Variants in KLHDC4 observed in about 807,000 individuals in gnomAD.
KLHDC4 encodes kelch domain-containing protein 4.
KLHDC4 carries 90 observed loss-of-function variants against 62.4 expected under a neutral mutation model. That is an observed-to-expected ratio of 1.44 (90% CI 1.22 to 1.72). KLHDC4 has a LOEUF of 1.72. Ranked by LOEUF, KLHDC4 falls within the 40% of genes most tolerant of loss-of-function variation. KLHDC4 has a pLI of 0.00. For missense variants in KLHDC4, 1,025 were observed against 699.7 expected (o/e 1.47, Z -5.25); for synonymous variants, 386 against 284.4 (o/e 1.36, Z -3.59).
At chr16:87,726,986 A>T in intron 6 of KLHDC4, 62 bp from the exon 7 acceptor site, 1 of 1,548,706 alleles carries the variant, frequency 6.5e-7, no homozygotes, top group East Asian at 2.3e-5. Flanking sequence ...GACATTAAAA[A>T]CTGAACTGAT....
chr16:87,744,959 G>A (rs952217687), intron 5 of KLHDC4, among the ~76,000 whole-genome samples: 16 of 144,634 alleles, frequency 1.1e-4, no homozygotes, highest in Non-Finnish European at 1.8e-4. Context: ...ATGCTCACAC[G>A]TGCACACATG....
chr16:87,723,475 G>A (rs552603253), intron 7 of KLHDC4, among the ~76,000 whole-genome samples: 9 of 152,368 alleles, frequency 5.9e-5, no homozygotes, highest in East Asian at 1.9e-4. Flanking sequence ...TGCACTCTAC[G>A]ACACATCTGC....
At chr16:87,749,013 G>C (rs1278134257) in intron 4 of KLHDC4, among the ~76,000 whole-genome samples, 2 of 150,110 alleles carry the variant, frequency 1.3e-5, no homozygotes, top group Non-Finnish European at 1.5e-5. Flanking sequence ...CCTCAGTCAA[G>C]GGTCTAATAA....
At chr16:87,714,353 C>CCCCCG in intron 8 of KLHDC4, 145 bp downstream of exon 8, 1 of 990,178 alleles carries the variant, frequency 1.0e-6, no homozygotes, top group South Asian at 2.1e-5. Context: ...CGGCCCACCC[C>CCCCCG]GAAATGAGCC....
At chr16:87,731,461 G>A (rs2040356523) in intron 5 of KLHDC4, among the ~76,000 whole-genome samples, 1 of 151,776 alleles carries the variant, frequency 6.6e-6, no homozygotes, top group Non-Finnish European at 1.5e-5. Flanking sequence ...GAAAAATGGG[G>A]GGAAAAAAGA....
intron 7 of KLHDC4, among the ~76,000 whole-genome samples, chr16:87,716,063 C>G (rs926778511): frequency 6.6e-6 from 1 of 152,200 alleles, no homozygotes; most frequent in African/African-American, 2.4e-5. Context: ...GATATTGACA[C>G]AGACTTCAGG....
chr16:87,714,438 C>A, intron 8 of KLHDC4, 60 bp downstream of exon 8: 2 of 1,383,062 alleles, frequency 1.4e-6, no homozygotes, highest in Non-Finnish European at 1.9e-6. Flanking sequence ...AGGGTGTGGG[C>A]TCTGCCTCCC....
intron 4 of KLHDC4, 48 bp downstream of exon 4, chr16:87,755,146 T>A (rs1226558313): frequency 1.5e-6 from 2 of 1,293,370 alleles, no homozygotes; most frequent in Non-Finnish European, 2.2e-6. Context: ...TCTACCAGAC[T>A]CCCACGTGGG....
At chr16:87,759,393 G>C (rs2045519190) in intron 2 of KLHDC4, among the ~76,000 whole-genome samples, 2 of 151,444 alleles carry the variant, frequency 1.3e-5, no homozygotes, top group South Asian at 2.1e-4. Context: ...ACTCCAGCCT[G>C]GGCAACAAAA....
Position 87,707,838 on chromosome 16 carries a change from C to T in KLHDC4, c.*239G>A, listed in dbSNP as rs1054199754. On this transcript the variant is annotated 3_prime_UTR_variant, in exon 12 of 12. Coordinates refer to ENST00000270583, the MANE Select transcript of KLHDC4 (RefSeq NM_017566.4). Reference sequence around the variant, plus strand: ...CTTGTTTCAAGTCCAATTTATTTCACACAACACACAGGCTGCTGAGGGAAT... The same window carrying T: ...CTTGTTTCAAGTCCAATTTATTTCATACAACACACAGGCTGCTGAGGGAAT... The T allele has an allele frequency of 1.2e-5, 5 of 405,030 alleles. No homozygotes were observed. The highest frequency in any genetic ancestry group is 8.2e-5 in the African/African-American group (4 of 48,756). The allele number at this position is 405,030 out of a possible 1,614,324, so 25.1% of individuals were successfully genotyped here.
chr16:87,764,421 G>A (rs906374513), intron 1 of KLHDC4, among the ~76,000 whole-genome samples: 2 of 151,818 alleles, frequency 1.3e-5, no homozygotes, highest in African/African-American at 4.8e-5. Context: ...AGGCCGAGGC[G>A]AGCGCATCAC....
intron 6 of KLHDC4, among the ~76,000 whole-genome samples, chr16:87,728,796 T>C (rs377753202): frequency 1.1e-3 from 171 of 152,070 alleles, no homozygotes; most frequent in African/African-American, 3.6e-3. Flanking sequence ...CTGGCGAACA[T>C]AGTGAAACCC....
chr16:87,748,883 G>T, intron 4 of KLHDC4, 74 bp from the exon 5 acceptor site: 1 of 1,572,166 alleles, frequency 6.4e-7, no homozygotes, highest in South Asian at 1.1e-5. Flanking sequence ...GACCGGTAGT[G>T]GTGAGCGCTT....
At chr16:87,709,225 C>T in intron 10 of KLHDC4, 40 bp downstream of exon 10, 2 of 1,581,004 alleles carry the variant, frequency 1.3e-6, no homozygotes, top group Non-Finnish European at 1.7e-6. Context: ...ACCGTGGGCT[C>T]TCGCTCCCGG....
chr16:87,708,214 A>G (rs1021244120), intron 11 of KLHDC4, 136 bp downstream of exon 11: 1 of 640,926 alleles, frequency 1.6e-6, no homozygotes, highest in African/African-American at 1.8e-5. Context: ...CTCATTAGCA[A>G]GCTGCCCAAA....
chr16:87,716,713 G>A (rs2037068438), intron 7 of KLHDC4, among the ~76,000 whole-genome samples: 1 of 152,092 alleles, frequency 6.6e-6, no homozygotes, highest in African/African-American at 2.4e-5. Flanking sequence ...GGTAGACCAT[G>A]AGGTCAGGAG....
At chr16:87,719,697 G>A (rs780541026) in intron 7 of KLHDC4, among the ~76,000 whole-genome samples, 5 of 151,060 alleles carry the variant, frequency 3.3e-5, no homozygotes, top group South Asian at 2.1e-4. Context: ...AAACTGATTC[G>A]GCTACGGTAA....
chr16:87,734,597 C>A (rs1054984388), intron 5 of KLHDC4, among the ~76,000 whole-genome samples: 4 of 152,198 alleles, frequency 2.6e-5, no homozygotes, highest in Non-Finnish European at 4.4e-5. Flanking sequence ...AAAATGACAA[C>A]CACACCCCTC....
chr16:87,708,550 T>TG lies in KLHDC4; in HGVS notation c.1448-85dup, dbSNP rs377155543. On this transcript the variant is annotated intron_variant, in intron 10 of 11. Coordinates refer to ENST00000270583, the MANE Select transcript of KLHDC4 (RefSeq NM_017566.4). ...CTGCGGGACGGTGGTGGCTACGTCC[T>TG]GGGGGGATTCCATTTTCTTAAGAAC... The TG allele has an allele frequency of 1.2e-3, 1,100 of 904,942 alleles. 6 individuals are homozygous for TG. The Middle Eastern group carries it at 0.025, about 20-fold the overall frequency. 56.1% of individuals were successfully genotyped at this position (904,942 alleles called of 1,614,324 possible). A position where few individuals can be genotyped will look rare whatever the true frequency, so the allele number is the denominator to read the frequency against.
Sources: allele counts gnomAD v4.1 joint callset (sites outside exome capture counted in the v4.1 genomes callset), GRCh38; gene constraint gnomAD v4.1.1; transcripts MANE v1.5; gene names NCBI Gene and HGNC (gene_info 2026-07-23, HGNC 2026-07-21).